INPP4B: variants seen among roughly 807,000 people sequenced by gnomAD.
INPP4B encodes inositol polyphosphate 4-phosphatase type II.
Under a neutral mutation model 122.5 loss-of-function variants are expected in INPP4B, and 55 were observed. The observed-to-expected ratio is 0.45, with a 90% CI of 0.36 to 0.56. The LOEUF is 0.56. INPP4B is among the 20% of genes least tolerant of loss of function. The pLI is 0.00. For missense variants in INPP4B, 1,000 were observed against 1,097.7 expected, an observed-to-expected ratio of 0.91 and a Z score of 1.26; for synonymous variants, 403 against 388.7, an observed-to-expected ratio of 1.04 and a Z score of -0.43.
rs372396346 is a variant in INPP4B at position 142,145,803 on chromosome 4, A to G, written c.1720+37T>C. The G allele has an allele frequency of 1.1e-4, 174 of 1,588,058 alleles. No homozygotes were observed. In the African/African-American group the frequency reaches 2.2e-3, roughly 20 times the overall value. ...TTTTCACGAGTTTCTCATTTTGTTT[A>G]CTCAGTAAATGATTGGGAAAAAAAA... is the stretch of plus-strand genomic sequence containing the variant. On this transcript the variant is annotated intron_variant, in intron 18 of 25. Transcript: ENST00000262992.
At chr4:142,221,131 G>A (rs1449908469) in intron 12 of INPP4B, among the ~76,000 whole-genome samples, 1 of 152,076 alleles carries the variant, frequency 6.6e-6, no homozygotes, top group Non-Finnish European at 1.5e-5. Context: ...TGGGCACGGT[G>A]GTTCACGCCT....
chr4:142,393,170 T>A (rs1046333284), intron 7 of INPP4B, among the ~76,000 whole-genome samples: 1 of 152,094 alleles, frequency 6.6e-6, no homozygotes, highest in African/African-American at 2.4e-5. Context: ...TGATGGTAAC[T>A]GAGAGTGGTG....
At chr4:142,844,121 A>T (rs1172085522) in intron 1 of INPP4B, among the ~76,000 whole-genome samples, 2 of 152,164 alleles carry the variant, frequency 1.3e-5, no homozygotes, top group Non-Finnish European at 2.9e-5. Context: ...TGAAGCTCAA[A>T]CACAACATTT....
chr4:142,142,142 T>C (rs1047792720), intron 18 of INPP4B, among the ~76,000 whole-genome samples: 2 of 152,066 alleles, frequency 1.3e-5, no homozygotes, highest in African/African-American at 2.4e-5. Flanking sequence ...GCTTGCCTAA[T>C]CAATTCACTA....
chr4:142,306,865 AC>A (rs1379604023), intron 8 of INPP4B, among the ~76,000 whole-genome samples: 2 of 152,132 alleles, frequency 1.3e-5, no homozygotes, highest in Non-Finnish European at 2.9e-5. Flanking sequence ...ACAGAATGAG[AC>A]CTCATTTCTA....
At chr4:142,626,070 T>C (rs561443216) in intron 2 of INPP4B, among the ~76,000 whole-genome samples, 24 of 152,276 alleles carry the variant, frequency 1.6e-4, no homozygotes, top group African/African-American at 5.3e-4. Context: ...GACATAGGCA[T>C]GGGCAAGGAC....
At chr4:142,317,493 A>G (rs147864448) in intron 7 of INPP4B, 5 of 275,602 alleles carry the variant, frequency 1.8e-5, no homozygotes, top group South Asian at 4.6e-5. Flanking sequence ...TCCAACGCGC[A>G]TTATCCAGGG....
chr4:142,798,468 A>C (rs1413966724), intron 1 of INPP4B, among the ~76,000 whole-genome samples: 1 of 151,966 alleles, frequency 6.6e-6, no homozygotes, highest in Non-Finnish European at 1.5e-5. Context: ...GTTCAAGTGA[A>C]GTTATAGCTC....
intron 2 of INPP4B, among the ~76,000 whole-genome samples, chr4:142,539,106 T>C (rs1828633352): frequency 6.7e-6 from 1 of 149,736 alleles, no homozygotes; most frequent in Non-Finnish European, 1.5e-5. Flanking sequence ...ATAAACAATT[T>C]AGGATTTTAT....
intron 1 of INPP4B, among the ~76,000 whole-genome samples, chr4:142,824,857 T>C (rs1023984892): frequency 1.3e-5 from 2 of 152,092 alleles, no homozygotes; most frequent in Admixed American, 1.3e-4. Context: ...TAATATAAAT[T>C]GGAAATATAT....
intron 1 of INPP4B, among the ~76,000 whole-genome samples, chr4:142,830,881 G>T (rs1782041549): frequency 6.6e-6 from 1 of 151,206 alleles, no homozygotes; most frequent in South Asian, 2.1e-4. Flanking sequence ...AATTATCCAG[G>T]TGTGGTAGCA....
At position 142,644,213 on chromosome 4, in the gene INPP4B, A is replaced by T. The variant is rs1403719348; in HGVS notation, c.-191+81626T>A. Among the ~76,000 whole-genome samples, 9 of 150,776 alleles carry T rather than the reference A, an allele frequency of 6.0e-5. No individual in the cohort carries two copies. The East Asian group carries it at 1.2e-3, about 20-fold the overall frequency. On this transcript the variant is annotated intron_variant, in intron 2 of 25. Coordinates refer to ENST00000262992, the MANE Select transcript of INPP4B (RefSeq NM_001101669.3). The stretch of plus-strand genomic sequence containing the variant: ...TGAGACTGTCTCAAAAAAAAAATAA[A>T]ATAAAATAAAATAAGAAGGAGAAGG...
intron 2 of INPP4B, among the ~76,000 whole-genome samples, chr4:142,465,828 G>A (rs1451508904): frequency 2.0e-5 from 3 of 151,614 alleles, no homozygotes; most frequent in Non-Finnish European, 4.4e-5. Flanking sequence ...TTGTTTAAAA[G>A]AGTGTGACAG....
intron 10 of INPP4B, among the ~76,000 whole-genome samples, chr4:142,267,944 T>A (rs1047743955): frequency 2.6e-5 from 4 of 151,996 alleles, no homozygotes; most frequent in African/African-American, 9.7e-5. Context: ...TATTAAAAAA[T>A]GCTCATCATT....
chr4:142,659,138 A>G (rs142564465), intron 2 of INPP4B, among the ~76,000 whole-genome samples: 1,747 of 151,946 alleles, frequency 0.011, 29 homozygotes, highest in African/African-American at 0.032. Flanking sequence ...GGAGGTTCAC[A>G]CCTATAATCC....
chr4:142,260,990 G>A (rs757382580), intron 10 of INPP4B, among the ~76,000 whole-genome samples: 19 of 152,234 alleles, frequency 1.2e-4, no homozygotes, highest in South Asian at 1.0e-3. Flanking sequence ...ATATGTTGAC[G>A]CCACTAGTTA....
intron 25 of INPP4B, among the ~76,000 whole-genome samples, chr4:142,062,115 C>CA (rs1761225535): frequency 6.6e-6 from 1 of 152,062 alleles, no homozygotes; most frequent in Non-Finnish European, 1.5e-5. Context: ...TCCTCAAACA[C>CA]AGAGATCTAA....
chr4:142,203,478 A>C (rs573207560), intron 14 of INPP4B, among the ~76,000 whole-genome samples: 1 of 152,200 alleles, frequency 6.6e-6, no homozygotes, highest in African/African-American at 2.4e-5. Flanking sequence ...TGAAAATAAA[A>C]TTTATTAAAG....
Position 142,293,439 on chromosome 4 carries a change from G to A in INPP4B, c.503+12019C>T, listed in dbSNP as rs149110458. On this transcript the variant is annotated intron_variant, in intron 9 of 25. Coordinates refer to ENST00000262992, the MANE Select transcript of INPP4B (RefSeq NM_001101669.3). ...CACAGCATTAAAAAAAAAGCAATCT[G>A]TTTATGTTGGCACTAAATGTATTCA... Among the ~76,000 whole-genome samples the A allele has an allele frequency of 5.0e-3, 764 of 152,042 alleles. 4 individuals are homozygous for A. The highest frequency in any genetic ancestry group is 6.6e-3 in the Non-Finnish European group (448 of 67,964).
Sources: gnomAD v4.1 joint callset for allele counts (sites outside exome capture counted in the v4.1 genomes callset) on GRCh38, gnomAD v4.1.1 for gene constraint, MANE v1.5 for transcripts, NCBI Gene and HGNC (gene_info 2026-07-23, HGNC 2026-07-21) for gene names.